KANSL1L: variants seen among roughly 807,000 people sequenced by gnomAD.
The protein encoded by KANSL1L is KAT8 regulatory NSL complex subunit 1 like.
In KANSL1L, 25 loss-of-function variants were observed where a neutral mutation model predicts 108.6. The ratio of observed to expected loss-of-function variants is 0.23; its 90% CI spans 0.17 to 0.32. The LOEUF (loss-of-function observed/expected upper bound fraction) is 0.32. KANSL1L is among the 10% of genes least tolerant of loss of function. KANSL1L has a pLI of 1.00. For missense variants in KANSL1L, 1,137 were observed against 1,125.7 expected, an observed-to-expected ratio of 1.01 and a Z score of -0.14; for synonymous variants, 405 against 395.1, an observed-to-expected ratio of 1.03 and a Z score of -0.30.
intron 3 of KANSL1L, among the ~76,000 whole-genome samples, chr2:210,119,138 C>T (rs563865325): frequency 1.1e-4 from 17 of 151,658 alleles, no homozygotes; most frequent in East Asian, 3.9e-4. Flanking sequence ...GAGCCAAGAT[C>T]GCACCACTGC....
At chr2:210,146,898 G>C (rs552003726) in intron 2 of KANSL1L, among the ~76,000 whole-genome samples, 1 of 150,706 alleles carries the variant, frequency 6.6e-6, no homozygotes, top group African/African-American at 2.4e-5. Context: ...TTTTCTTTTC[G>C]TTACGTGGAT....
At chr2:210,100,690 G>C (rs910394222) in intron 4 of KANSL1L, among the ~76,000 whole-genome samples, 2 of 152,314 alleles carry the variant, frequency 1.3e-5, no homozygotes, top group Middle Eastern at 3.4e-3. Context: ...CCAGGCTAGA[G>C]TGCAGTGGTG....
At chr2:210,110,388 G>C (rs539665012) in intron 3 of KANSL1L, among the ~76,000 whole-genome samples, 2 of 152,270 alleles carry the variant, frequency 1.3e-5, no homozygotes, top group Non-Finnish European at 2.9e-5. Context: ...ATAAAGTGTA[G>C]AGAGAGGCAG....
intron 1 of KANSL1L, among the ~76,000 whole-genome samples, chr2:210,166,086 CAT>C (rs965998674): frequency 3.9e-5 from 6 of 152,116 alleles, no homozygotes; most frequent in Non-Finnish European, 7.4e-5. Flanking sequence ...GGATCTGAAA[CAT>C]ATACCCCAAA....
intron 12 of KANSL1L, among the ~76,000 whole-genome samples, chr2:210,025,543 A>G (rs950377674): frequency 6.6e-6 from 1 of 152,168 alleles, no homozygotes; most frequent in Admixed American, 6.5e-5. Flanking sequence ...TGACAGGGCG[A>G]GACTCTGTCT....
At chr2:210,058,416 T>G (rs1358631536) in intron 6 of KANSL1L, among the ~76,000 whole-genome samples, 1 of 152,192 alleles carries the variant, frequency 6.6e-6, no homozygotes. Flanking sequence ...GGTCCTGTGG[T>G]CCTGTGATCT....
rs932122398 is a variant in KANSL1L, at chr2:210,029,162, A to G, written c.2272-193T>C. ...TTTCTATCTTTTGTAAATCAGAACA[A>G]TCTCTTGGTAGATGTGTAATGTGTA... On this transcript the variant is annotated intron_variant, in intron 10 of 14. Transcript: ENST00000281772. 14 of 513,368 alleles carry G rather than the reference A, an allele frequency of 2.7e-5. No homozygotes were observed. The East Asian group carries it at 4.3e-4, about 16-fold the overall frequency. 31.8% of individuals were successfully genotyped at this position (513,368 alleles called of 1,614,324 possible).
intron 5 of KANSL1L, among the ~76,000 whole-genome samples, chr2:210,083,690 G>A (rs1199406127): frequency 6.6e-6 from 1 of 151,816 alleles, no homozygotes; most frequent in Non-Finnish European, 1.5e-5. Flanking sequence ...TTAGCCGGGC[G>A]AGGTGGTGGG....
Position 210,146,428 on chromosome 2 carries a change from G to T in KANSL1L, c.1088+7067C>A, listed in dbSNP as rs911372223. On this transcript the variant is annotated intron_variant, in intron 2 of 14. Coordinates refer to ENST00000281772, the MANE Select transcript of KANSL1L (RefSeq NM_152519.4). ...TCTTGTCAAAATTAGGAAAACAAAGGTGATCGTTTCCGATGATAAATACAA... is the reference window on the plus strand; with the variant it reads ...TCTTGTCAAAATTAGGAAAACAAAGTTGATCGTTTCCGATGATAAATACAA... 2.0e-5 allele frequency among the ~76,000 whole-genome samples: 3 copies of T among 152,172 alleles called. No homozygotes were observed. The South Asian group carries it at 6.2e-4, about 32-fold the overall frequency.
At chr2:210,052,040 A>G (rs1281935144) in intron 6 of KANSL1L, among the ~76,000 whole-genome samples, 1 of 138,656 alleles carries the variant, frequency 7.2e-6, no homozygotes, top group African/African-American at 2.7e-5. Flanking sequence ...TTGCTCTGTC[A>G]CCCACGGTGG....
chr2:210,044,141 A>T lies in KANSL1L; in HGVS notation c.1756-37T>A. 1.4e-6 allele frequency: 2 copies of T among 1,446,738 alleles called. No homozygotes were observed. The highest frequency in any genetic ancestry group is 9.3e-7 in the Non-Finnish European group (1 of 1,079,166). 89.6% of individuals were successfully genotyped at this position (1,446,738 alleles called of 1,614,324 possible). ...AACCGTATTAGAATATCACAGCCAA[A>T]GCATCCATAAATGGCATATCTCTAC... is the stretch of plus-strand genomic sequence containing the variant. On this transcript the variant is annotated intron_variant, in intron 6 of 14. Transcript: ENST00000281772. The surrounding 1 kb of genome is among the most constrained non-coding windows in gnomAD (Gnocchi z 4.2).
intron 8 of KANSL1L, among the ~76,000 whole-genome samples, chr2:210,033,860 T>G (rs1459157825): frequency 6.6e-6 from 1 of 152,178 alleles, no homozygotes; most frequent in Admixed American, 6.5e-5. Context: ...TTAAATTAAA[T>G]TTTATTCAAA....
Position 210,033,208 on chromosome 2 carries a change from G to T in KANSL1L, c.2030-1662C>A, listed in dbSNP as rs150219411. Among the ~76,000 whole-genome samples, 22 of 152,266 alleles carry T rather than the reference G, an allele frequency of 1.4e-4. No individual in the cohort carries two copies. In the East Asian group the frequency reaches 4.3e-3, roughly 29 times the overall value. Reference sequence around the variant, plus strand: ...CAATATTAAACCCTAAGATTTCAACGATGCACTTGCATGTCAAACAGCAAA... The same window carrying T: ...CAATATTAAACCCTAAGATTTCAACTATGCACTTGCATGTCAAACAGCAAA... On this transcript the variant is annotated intron_variant, in intron 8 of 14. Transcript: ENST00000281772.
intron 2 of KANSL1L, among the ~76,000 whole-genome samples, chr2:210,138,928 G>C (rs907111169): frequency 6.6e-6 from 1 of 151,724 alleles, no homozygotes; most frequent in Non-Finnish European, 1.5e-5. Flanking sequence ...GCGAAACCCC[G>C]CCTCTACTAA....
chr2:210,098,390 C>CT (rs1184828062), intron 4 of KANSL1L, among the ~76,000 whole-genome samples, 183 bp from the exon 5 acceptor site: 1 of 152,112 alleles, frequency 6.6e-6, no homozygotes, highest in African/African-American at 2.4e-5. Flanking sequence ...TAAATCTATA[C>CT]TTTAAGTACC....
chr2:210,146,677 C>A (rs2095268142), intron 2 of KANSL1L, among the ~76,000 whole-genome samples: 1 of 152,170 alleles, frequency 6.6e-6, no homozygotes, highest in South Asian at 2.1e-4. Flanking sequence ...GTTTCTCCAC[C>A]TGATTCTGTG....
intron 6 of KANSL1L, among the ~76,000 whole-genome samples, chr2:210,059,057 A>G (rs375459805): frequency 1.3e-5 from 2 of 150,416 alleles, no homozygotes; most frequent in South Asian, 2.1e-4. Context: ...AATTTCCCCC[A>G]TACCCAGGAG....
At position 210,104,031 on chromosome 2, in the gene KANSL1L, A is replaced by T. The variant is rs1436968565; in HGVS notation, c.1428+73T>A. 5 of 1,135,536 alleles carry T rather than the reference A, an allele frequency of 4.4e-6. 1 individual carries two copies. Among genetic ancestry groups the T allele is most frequent in the Non-Finnish European group, 6.7e-6 (5 of 751,628 alleles). 70.3% of individuals were successfully genotyped at this position (1,135,536 alleles called of 1,614,324 possible). On this transcript the variant is annotated intron_variant, in intron 4 of 14. Transcript: ENST00000281772. ...ATGCCAGGAAGATACACATATAATG[A>T]TGTTTATTTGAATAGTTTACAAAAT...
chr2:210,024,287 A>T (rs765493389), intron 13 of KANSL1L, 86 bp from the exon 14 acceptor site: 2 of 1,031,198 alleles, frequency 1.9e-6, no homozygotes, highest in Non-Finnish European at 2.7e-6. Context: ...TCACTGAGTC[A>T]AGTTAACTTG....
Sources: gnomAD v4.1 joint callset for allele counts (sites outside exome capture counted in the v4.1 genomes callset) on GRCh38, gnomAD v4.1.1 for gene constraint, Gnocchi (gnomAD v3.1) non-coding constraint, MANE v1.5 for transcripts, NCBI Gene and HGNC (gene_info 2026-07-23, HGNC 2026-07-21) for gene names.